Variants in FAF1 observed in about 807,000 individuals in gnomAD.
The protein encoded by FAF1 is Fas associated factor 1, also known as FAS-associated factor 1.
A neutral mutation model predicts 92.5 loss-of-function variants in FAF1; 25 were observed. The observed-to-expected ratio is 0.27, with a 90% CI of 0.20 to 0.38. FAF1 has a LOEUF of 0.38. FAF1 is among the 10% of genes least tolerant of loss of function. The probability of loss-of-function intolerance (pLI) is 1.00; values close to 1 mark genes in which losing one functional copy is unlikely to be tolerated. For synonymous variants in FAF1, 234 were observed against 273.2 expected, an observed-to-expected ratio of 0.86 and a Z score of 1.42; for missense variants, 636 against 793.3, an observed-to-expected ratio of 0.80 and a Z score of 2.38.
chr1:50,766,790 G>GAA (rs1660588111), intron 4 of FAF1, among the ~76,000 whole-genome samples: 1 of 32,880 alleles, frequency 3.0e-5, no homozygotes, highest in Non-Finnish European at 6.1e-5. Flanking sequence ...AAGCAAGCAA[G>GAA]CAAAAAAAAA....
intron 14 of FAF1, among the ~76,000 whole-genome samples, chr1:50,537,540 T>C (rs1648549367): frequency 1.3e-5 from 2 of 152,142 alleles, no homozygotes; most frequent in East Asian, 3.8e-4. Flanking sequence ...TTTACTGTGT[T>C]AGAAATTAAA....
chr1:50,749,852 A>G (rs752860509), intron 4 of FAF1, among the ~76,000 whole-genome samples: 63 of 152,148 alleles, frequency 4.1e-4, no homozygotes, highest in Admixed American at 2.4e-3. Flanking sequence ...GGAAATGACA[A>G]CCGTAGAACA....
chr1:50,913,372 A>G (rs976091443), intron 1 of FAF1, among the ~76,000 whole-genome samples: 4 of 152,242 alleles, frequency 2.6e-5, no homozygotes, highest in Non-Finnish European at 4.4e-5. Context: ...CACCAATAAG[A>G]AAATACAAGC....
At chr1:50,501,402 C>A (rs920410842) in intron 15 of FAF1, among the ~76,000 whole-genome samples, 2 of 152,162 alleles carry the variant, frequency 1.3e-5, no homozygotes, top group African/African-American at 2.4e-5. Flanking sequence ...CAGTGGCTCA[C>A]GCCTGTAATC....
chr1:50,633,575 A>C (rs1353320816), intron 8 of FAF1, among the ~76,000 whole-genome samples: 1 of 152,194 alleles, frequency 6.6e-6, no homozygotes, highest in Non-Finnish European at 1.5e-5. Flanking sequence ...CAATCACAAA[A>C]GGGCTCTGTC....
intron 9 of FAF1, among the ~76,000 whole-genome samples, chr1:50,592,314 C>T (rs1051860114): frequency 6.6e-6 from 1 of 152,038 alleles, no homozygotes; most frequent in African/African-American, 2.4e-5. Context: ...TCCTTCTTCA[C>T]TGTCAACTGA....
chr1:50,751,490 C>T (rs1036768780), intron 4 of FAF1, among the ~76,000 whole-genome samples: 35 of 152,062 alleles, frequency 2.3e-4, no homozygotes, highest in Admixed American at 3.3e-4. Flanking sequence ...ACTACAGGCA[C>T]GTGCCACCAC....
intron 3 of FAF1, among the ~76,000 whole-genome samples, chr1:50,797,774 G>A (rs1246342323): frequency 6.6e-6 from 1 of 152,178 alleles, no homozygotes; most frequent in Non-Finnish European, 1.5e-5. Context: ...AGGAGGCTGA[G>A]TCAGAAAGAT....
In FAF1 at chr1:50,871,280, G is replaced by A. The variant is rs190706992; in HGVS notation, c.46-13283C>T. Among the ~76,000 whole-genome samples the A allele has an allele frequency of 2.6e-5, 4 of 152,366 alleles. No individual in the cohort carries two copies. In the East Asian group the frequency reaches 7.7e-4, roughly 29 times the overall value. On this transcript the variant is annotated intron_variant, in intron 1 of 18. Transcript: ENST00000396153. ...AGCAGCAAGTGCTGATGTAGAAGCTGTAGTAAGTTTTATTCAGGACCTAGC... is the reference window on the plus strand; with the variant it reads ...AGCAGCAAGTGCTGATGTAGAAGCTATAGTAAGTTTTATTCAGGACCTAGC...
At chr1:50,645,971 T>A (rs2124262148) in intron 8 of FAF1, among the ~76,000 whole-genome samples, 1 of 152,352 alleles carries the variant, frequency 6.6e-6, no homozygotes, top group Non-Finnish European at 1.5e-5. Context: ...GTGCTTTACA[T>A]ATTAGATATA....
intron 14 of FAF1, among the ~76,000 whole-genome samples, chr1:50,536,691 A>G (rs1049201203): frequency 6.6e-6 from 1 of 152,204 alleles, no homozygotes; most frequent in Non-Finnish European, 1.5e-5. Context: ...TTTTATAGTC[A>G]GAGTTCTAAC....
At chr1:50,684,623 C>A (rs912898045) in intron 7 of FAF1, among the ~76,000 whole-genome samples, 1 of 152,096 alleles carries the variant, frequency 6.6e-6, no homozygotes, top group African/African-American at 2.4e-5. Flanking sequence ...AACGATCCCA[C>A]TGAAGCCAAT....
At chr1:50,623,878 C>T (rs1216352748) in intron 8 of FAF1, among the ~76,000 whole-genome samples, 1 of 151,476 alleles carries the variant, frequency 6.6e-6, no homozygotes, top group Non-Finnish European at 1.5e-5. Flanking sequence ...GGCAAGGCTG[C>T]AGTGAGTTGT....
At chr1:50,933,318 G>A (rs1557594702) in intron 1 of FAF1, among the ~76,000 whole-genome samples, 1 of 152,156 alleles carries the variant, frequency 6.6e-6, no homozygotes. Context: ...TGAATGCCTT[G>A]CTGCTTAGAA....
At chr1:50,955,457 T>C (rs1038662756) in intron 1 of FAF1, among the ~76,000 whole-genome samples, 7 of 152,236 alleles carry the variant, frequency 4.6e-5, no homozygotes, top group East Asian at 1.9e-4. Flanking sequence ...TTTGGTCAAA[T>C]ATTCCAAATT....
At chr1:50,497,274 A>G (rs998472331) in intron 15 of FAF1, among the ~76,000 whole-genome samples, 1 of 152,148 alleles carries the variant, frequency 6.6e-6, no homozygotes, top group Non-Finnish European at 1.5e-5. Context: ...AAAGAAATAA[A>G]ACAAAAAACA....
intron 6 of FAF1, among the ~76,000 whole-genome samples, chr1:50,719,810 G>A (rs1042982984): frequency 2.0e-5 from 3 of 152,260 alleles, no homozygotes; most frequent in African/African-American, 2.4e-5. Context: ...TTTTCAAAAT[G>A]TGATGCTAAC....
intron 1 of FAF1, among the ~76,000 whole-genome samples, chr1:50,899,544 C>G (rs1367565637): frequency 6.6e-6 from 1 of 152,162 alleles, no homozygotes; most frequent in Non-Finnish European, 1.5e-5. Flanking sequence ...CCTGTGCCTC[C>G]CATGTTCAAG....
chr1:50,583,286 A>G lies in FAF1; in HGVS notation c.1031+366T>C, dbSNP rs965522112. Among the ~76,000 whole-genome samples, 3 of 151,958 alleles carry G rather than the reference A, an allele frequency of 2.0e-5. No homozygotes were observed. Among genetic ancestry groups the G allele is most frequent in the Admixed American group, 6.6e-5 (1 of 15,264 alleles). On this transcript the variant is annotated intron_variant, in intron 11 of 18. Coordinates refer to ENST00000396153, the MANE Select transcript of FAF1 (RefSeq NM_007051.3). The surrounding 1 kb of genome is among the most constrained non-coding windows in gnomAD (Gnocchi z 4.2). ...TAAAGGAAAAAATTCACTTGGATTT[A>G]AAATGTTTAAAGTATTTTTAAATTT... is the stretch of plus-strand genomic sequence containing the variant.
Sources: gnomAD v4.1 joint callset for allele counts (sites outside exome capture counted in the v4.1 genomes callset) on GRCh38, gnomAD v4.1.1 for gene constraint, Gnocchi (gnomAD v3.1) non-coding constraint, MANE v1.5 for transcripts, NCBI Gene and HGNC (gene_info 2026-07-23, HGNC 2026-07-21) for gene names.